Variants in XPA observed in about 807,000 individuals in gnomAD.
The protein encoded by XPA is XPA, DNA damage recognition and repair factor.
A neutral mutation model predicts 35.7 loss-of-function variants in XPA; 27 were observed. That is an observed-to-expected ratio of 0.76 (90% CI 0.56 to 1.04). XPA has a LOEUF of 1.04. XPA is among the 50% of genes least tolerant of loss of function. XPA has a pLI of 0.00. For synonymous variants in XPA, 133 were observed against 118.4 expected (o/e 1.12, Z -0.80); for missense variants, 354 against 342.7 (o/e 1.03, Z -0.26).
the XPA span, chr9:97,669,861 A>G: frequency 4.3e-6 from 3 of 705,098 alleles, no homozygotes; most frequent in Non-Finnish European, 7.7e-6. Flanking sequence ...TCATCAGAAT[A>G]TTTAGGCTTA....
downstream of XPA, chr9:97,674,865 T>C (rs185781016): frequency 2.3e-6 from 1 of 441,902 alleles, no homozygotes; most frequent in Non-Finnish European, 4.4e-6. Context: ...TCTAGACTAA[T>C]GTTAAGTCCC....
the XPA span, among the ~76,000 whole-genome samples, chr9:97,663,547 C>T: frequency 6.6e-6 from 1 of 151,886 alleles, no homozygotes; most frequent in African/African-American, 2.4e-5. Flanking sequence ...TGCAGTGGCG[C>T]AATCTTGGCT....
chr9:97,663,927 C>G, the XPA span, among the ~76,000 whole-genome samples: 2 of 151,586 alleles, frequency 1.3e-5, no homozygotes, highest in Middle Eastern at 3.4e-3. Context: ...ACCTGTAATC[C>G]TAGCACTTTG....
chr9:97,689,719 G>T, intron 2 of XPA, 80 bp from the exon 3 acceptor site: 1 of 783,178 alleles, frequency 1.3e-6, no homozygotes, highest in Non-Finnish European at 2.1e-6. Flanking sequence ...TAGCTTATCA[G>T]CATGTATGCA....
intron 5 of XPA, among the ~76,000 whole-genome samples, chr9:97,679,160 A>T (rs888323318): frequency 3.9e-5 from 6 of 152,226 alleles, no homozygotes; most frequent in Non-Finnish European, 7.3e-5. Context: ...TTGGTTATGT[A>T]ACAAAATATA....
chr9:97,668,995 T>A, the XPA span: 1 of 1,586,596 alleles, frequency 6.3e-7, no homozygotes, highest in South Asian at 1.2e-5. Flanking sequence ...TTGGGACATT[T>A]ATACATAAAA....
downstream of XPA, chr9:97,670,111 CAG>C: frequency 3.1e-6 from 1 of 320,072 alleles, no homozygotes; most frequent in East Asian, 7.6e-5. Flanking sequence ...TTAGTAGGGA[CAG>C]AGTTTCACCA....
In XPA at chr9:97,675,467, C is replaced by T. The variant is rs1302816633; in HGVS notation, c.794G>A (p.Gly265Asp). Reference protein sequence around the residue: ...DMYRKTCTMCGHELTYEKM With the variant: ...DMYRKTCTMCDHELTYEKM The stretch of plus-strand genomic sequence containing the variant: ...CATTTTTTCATATGTCAGTTCATGG[C>T]CACACATAGTACAAGTCTTACGGTA... The change falls in exon 6 of 6, where the codon GGC (glycine) becomes GAC (aspartate). Residue 265 changes from glycine to aspartate, a missense_variant. Transcript: ENST00000375128. 2 of 1,613,766 alleles carry T rather than the reference C, an allele frequency of 1.2e-6. No individual in the cohort carries two copies. The highest frequency in any genetic ancestry group is 8.5e-7 in the Non-Finnish European group (1 of 1,179,894).
At chr9:97,671,280 C>A (rs929973976), downstream of XPA, 12 of 1,031,374 alleles carry the variant, frequency 1.2e-5, no homozygotes, top group Non-Finnish European at 1.7e-5. Flanking sequence ...TGAATGCTTG[C>A]TTTCTTGTAG....
At chr9:97,656,032 T>G in the XPA span, 1 of 1,614,036 alleles carries the variant, frequency 6.2e-7, no homozygotes, top group South Asian at 1.1e-5. Flanking sequence ...TTAGTCAAGA[T>G]CCTGAAAGTC....
At chr9:97,685,368 T>C (rs1221770940) in intron 4 of XPA, among the ~76,000 whole-genome samples, 1 of 152,206 alleles carries the variant, frequency 6.6e-6, no homozygotes, top group Non-Finnish European at 1.5e-5. Flanking sequence ...AAGAAACAGT[T>C]TGTTGACAGA....
At chr9:97,677,132 G>A (rs1338599099) in intron 5 of XPA, among the ~76,000 whole-genome samples, 1 of 151,864 alleles carries the variant, frequency 6.6e-6, no homozygotes, top group African/African-American at 2.4e-5. Flanking sequence ...GCGCAATCAT[G>A]CTAAACTAAC....
chr9:97,675,384 A>T lies in XPA; in HGVS notation c.*55T>A. 1 of 1,535,404 alleles carries T rather than the reference A, an allele frequency of 6.5e-7. No individual in the cohort carries two copies. The highest frequency in any genetic ancestry group is 2.4e-5 in the East Asian group (1 of 41,490). On this transcript the variant is annotated 3_prime_UTR_variant, in exon 6 of 6. Coordinates refer to ENST00000375128, the MANE Select transcript of XPA (RefSeq NM_000380.4). ...TTTGAATTTTGAAAAGGACCAATCT[A>T]AATTTCCTTTATTTAAATATAAAAT...
At chr9:97,675,965 ATAAT>A (rs1423249312) in intron 5 of XPA, 8 of 232,378 alleles carry the variant, frequency 3.4e-5, no homozygotes, top group African/African-American at 1.1e-4. Flanking sequence ...GTCAGCTGAA[ATAAT>A]TAAGAAAAAG....
intron 5 of XPA, among the ~76,000 whole-genome samples, chr9:97,680,989 T>C (rs976442347): frequency 6.6e-5 from 10 of 152,258 alleles, no homozygotes; most frequent in African/African-American, 2.2e-4. Flanking sequence ...CTGCCTTTCA[T>C]GGAAATTTAT....
chr9:97,660,561 A>G, the XPA span, among the ~76,000 whole-genome samples: 7 of 152,134 alleles, frequency 4.6e-5, no homozygotes, highest in African/African-American at 1.7e-4. Flanking sequence ...GGTGTTGGCA[A>G]AATGAAAGAG....
chr9:97,668,799 A>G, the XPA span: 1 of 1,592,508 alleles, frequency 6.3e-7, no homozygotes, highest in Non-Finnish European at 8.6e-7. Flanking sequence ...GATTTAACAC[A>G]CTGGAATCTA....
At chr9:97,671,123 A>G, downstream of XPA, 1 of 1,613,600 alleles carries the variant, frequency 6.2e-7, no homozygotes, top group African/African-American at 1.3e-5. Context: ...GTGACCCTGG[A>G]GAACCTTCTC....
chr9:97,666,370 CAGGTT>C, the XPA span, among the ~76,000 whole-genome samples: 55 of 152,274 alleles, frequency 3.6e-4, no homozygotes, highest in African/African-American at 1.2e-3. Context: ...AAATAAGTCT[CAGGTT>C]AGGTCACCAT....
Sources: allele counts gnomAD v4.1 joint callset (sites outside exome capture counted in the v4.1 genomes callset), GRCh38; gene constraint gnomAD v4.1.1; transcripts MANE v1.5; gene names NCBI Gene and HGNC (gene_info 2026-07-23, HGNC 2026-07-21).